LAS1L: variants seen among roughly 807,000 people sequenced by gnomAD.
LAS1L encodes the protein LAS1 like ribosome biogenesis factor.
LAS1L carries 5 observed loss-of-function variants against 57.3 expected under a neutral mutation model. That is an observed-to-expected ratio of 0.09 (90% CI 0.05 to 0.18). The LOEUF (loss-of-function observed/expected upper bound fraction) is 0.18. LAS1L is among the 10% of genes least tolerant of loss of function. LAS1L has a pLI of 1.00. For synonymous variants in LAS1L, 245 were observed against 231.7 expected (o/e 1.06, Z -0.52); for missense variants, 360 against 568.3 (o/e 0.63, Z 3.73).
At chrX:65,528,857 CAG>C (rs1208717495) in intron 6 of LAS1L, among the ~76,000 whole-genome samples, 2 of 112,383 alleles carry the variant, frequency 1.8e-5, no homozygotes, top group Non-Finnish European at 3.8e-5. Context: ...TCCCTAAAAA[CAG>C]CACCCCTCCA....
chrX:65,518,126 A>G lies in LAS1L; in HGVS notation c.1788T>C (p.Asp596=), dbSNP rs771590533. ...DDQEEEEEDE[D]DEDDEEEDRM... ...TGTCTTCCTCTTCATCATCTTCATC[A>G]TCTTCATCCTCCTCTTCCTCCTCTT... Residue 596 remains aspartate (D), a synonymous_variant, in exon 12 of 14, where the codon GAT becomes GAC. Transcript: ENST00000374811. 2 of 1,199,632 alleles carry G rather than the reference A, an allele frequency of 1.7e-6. No homozygotes were observed. The highest frequency in any genetic ancestry group is 4.4e-5 in the Admixed American group (2 of 45,976).
At chrX:65,523,327 G>C (rs1229786611) in intron 11 of LAS1L, 1 of 332,235 alleles carries the variant, frequency 3.0e-6, no homozygotes, top group Non-Finnish European at 5.2e-6. Context: ...TAGGGGGATT[G>C]TCTTATCCAT....
intron 1 of LAS1L, among the ~76,000 whole-genome samples, chrX:65,534,009 A>T (rs1445745125): frequency 9.0e-6 from 1 of 111,066 alleles, no homozygotes; most frequent in Non-Finnish European, 1.9e-5. Context: ...TTCACCCCCA[A>T]ATCAACTCAT....
At chrX:65,525,765 A>AAAG (rs1556309414) in intron 7 of LAS1L, among the ~76,000 whole-genome samples, 4 of 107,506 alleles carry the variant, frequency 3.7e-5, no homozygotes, top group African/African-American at 1.4e-4. Flanking sequence ...AAAAAAAAAA[A>AAAG]AAAGAAAGAA....
At chrX:65,527,822 G>A (rs1337658720) in intron 7 of LAS1L, among the ~76,000 whole-genome samples, 2 of 109,897 alleles carry the variant, frequency 1.8e-5, no homozygotes, top group African/African-American at 6.7e-5. Flanking sequence ...AACAGAGCAA[G>A]ACACTTTCTC....
intron 12 of LAS1L, among the ~76,000 whole-genome samples, chrX:65,517,557 G>C (rs1283979083): frequency 9.0e-6 from 1 of 111,170 alleles, no homozygotes; most frequent in African/African-American, 3.3e-5. Flanking sequence ...GGTCTCCTAG[G>C]TTCCTTCTTT....
chrX:65,532,412 G>A (rs2069546897), intron 3 of LAS1L, 149 bp downstream of exon 3: 1 of 482,915 alleles, frequency 2.1e-6, no homozygotes, highest in Non-Finnish European at 3.7e-6. Context: ...GCCTCCTTCA[G>A]GCTGGAAGCT....
intron 13 of LAS1L, among the ~76,000 whole-genome samples, chrX:65,513,899 C>G (rs1264786692): frequency 8.9e-6 from 1 of 112,478 alleles, no homozygotes; most frequent in Non-Finnish European, 1.9e-5. Context: ...CTACAGATCT[C>G]CTGGCTTCCC....
intron 6 of LAS1L, 46 bp from the exon 7 acceptor site, chrX:65,528,415 AC>A: frequency 1.4e-6 from 1 of 723,149 alleles, no homozygotes; most frequent in Non-Finnish European, 2.1e-6. Flanking sequence ...CAGCCAAGCA[AC>A]CCACCTCCAC....
intron 1 of LAS1L, among the ~76,000 whole-genome samples, chrX:65,534,114 C>T (rs1188755314): frequency 8.9e-6 from 1 of 111,783 alleles, no homozygotes; most frequent in Non-Finnish European, 1.9e-5. Flanking sequence ...GTCTTGCAGG[C>T]AAGACTTCCT....
chrX:65,517,997 C>G lies in LAS1L; in HGVS notation c.1917G>C (p.Gln639His). The G allele has an allele frequency of 8.4e-7, 1 of 1,195,986 alleles. No individual in the cohort carries two copies. The part of the protein sequence containing the change: ...KRGALQGSAW[Q>H]VSSEDVRWDT... ...CAAAGTAGTTCTTACCTGAGCTAAC[C>G]TGCCATGCAGAGCCCTGCAAAGCTC... Residue 639 changes from glutamine (Q) to histidine (H), a missense_variant, in exon 12 of 14, where the codon CAG becomes CAC. By Grantham distance (24) the Gln-to-His change is conservative. Around this residue, in one of 7 missense-constraint regions of LAS1L, gnomAD observed 123 missense variants for 168.3 expected, o/e 0.73. Transcript: ENST00000374811.
intron 2 of LAS1L, among the ~76,000 whole-genome samples, chrX:65,533,234 G>A (rs1175567383): frequency 9.1e-6 from 1 of 110,328 alleles, no homozygotes; most frequent in Non-Finnish European, 1.9e-5. Context: ...GGGTTGGAAA[G>A]TCCACATTAA....
intron 1 of LAS1L, 148 bp from the exon 2 acceptor site, chrX:65,533,883 A>ATTACCGTGTCTCCT: frequency 1.7e-6 from 1 of 601,318 alleles, no homozygotes; most frequent in Non-Finnish European, 2.6e-6. Context: ...GGGAGGAGAC[A>ATTACCGTGTCTCCT]CGGTAATGTC....
intron 6 of LAS1L, among the ~76,000 whole-genome samples, chrX:65,528,726 C>T (rs764436385): frequency 2.7e-5 from 3 of 112,891 alleles, no homozygotes; most frequent in African/African-American, 3.2e-5. Flanking sequence ...GATCCAGGTA[C>T]TAATCCTGGT....
intron 2 of LAS1L, 21 bp downstream of exon 2, chrX:65,533,589 C>T (rs764933390): frequency 1.7e-6 from 2 of 1,208,768 alleles, no homozygotes; most frequent in Non-Finnish European, 2.2e-6. Context: ...AACCTCCACC[C>T]CTACCCCATG....
At position 65,518,128 on chromosome X, in the gene LAS1L, C is replaced by T. The variant is rs907040576; in HGVS notation, c.1786G>A (p.Asp596Asn). 1.0e-5 allele frequency: 12 copies of T among 1,198,962 alleles called. No individual in the cohort carries two copies. The highest frequency in any genetic ancestry group is 1.4e-5 in the Non-Finnish European group (12 of 885,022). ...DDQEEEEEDE[D>N]DEDDEEEDRM... The stretch of plus-strand genomic sequence containing the variant: ...TCTTCCTCTTCATCATCTTCATCAT[C>T]TTCATCCTCCTCTTCCTCCTCTTGG... The change falls in exon 12 of 14, where the codon GAT becomes AAT. Residue 596 changes from aspartate (D) to asparagine (N), a missense_variant. Coordinates refer to ENST00000374811, the MANE Select transcript of LAS1L (RefSeq NM_031206.7).
chrX:65,529,741 CAAT>C lies in LAS1L; in HGVS notation c.649_651del (p.Ile217del), dbSNP rs2069370376. 6 of 1,210,320 alleles carry C rather than the reference CAAT, an allele frequency of 5.0e-6. No individual in the cohort carries two copies. In the East Asian group the frequency reaches 1.2e-4, roughly 24 times the overall value. On this transcript the variant is annotated inframe_deletion, in exon 5 of 14. Transcript: ENST00000374811. ...TTCTGTTCTGTGATGTCATCAACAA[CAAT>C]GTTCTTATCTTCCTCTTGATCCTCT... is the stretch of plus-strand genomic sequence containing the variant.
rs1386903124 is a variant in LAS1L at position 65,518,543 on chromosome X, C to A, written c.1449-78G>T. 4 of 1,107,455 alleles carry A rather than the reference C, an allele frequency of 3.6e-6. No homozygotes were observed. The East Asian group carries it at 1.3e-4, about 35-fold the overall frequency. The allele number at this position is 1,107,455 out of a possible 1,213,427, so 91.3% of individuals were successfully genotyped here. ...ATACCCCAACACTCCAGGGTTTGAA[C>A]TTGGTCTCTGAACTTCCAGACCTGC... On this transcript the variant is annotated intron_variant, in intron 11 of 13. Transcript: ENST00000374811.
intron 11 of LAS1L, chrX:65,521,081 C>A: frequency 1.3e-6 from 1 of 749,783 alleles, no homozygotes; most frequent in Non-Finnish European, 1.6e-6. Context: ...CTGTTCAGTT[C>A]CAACTCCTGG....
Sources: gnomAD v4.1 joint callset for allele counts (sites outside exome capture counted in the v4.1 genomes callset) on GRCh38, gnomAD v4.1.1 for gene constraint, gnomAD v4.1.1 regional missense constraint, MANE v1.5 for transcripts, NCBI Gene and HGNC (gene_info 2026-07-23, HGNC 2026-07-21) for gene names.